The following FHIT variants were observed in gnomAD, a reference collection of about 807,000 sequenced individuals.
FHIT encodes bis(5'-adenosyl)-triphosphatase.
A neutral mutation model predicts 17.9 loss-of-function variants in FHIT; 19 were observed. The ratio of observed to expected loss-of-function variants is 1.06; its 90% CI spans 0.74 to 1.56. The LOEUF is 1.56. FHIT is among the 40% of genes most tolerant of loss of function. FHIT has a pLI of 0.00. For missense variants in FHIT, 248 were observed against 189.2 expected, an observed-to-expected ratio of 1.31 and a Z score of -1.82; for synonymous variants, 81 against 69.7, an observed-to-expected ratio of 1.16 and a Z score of -0.81.
At chr3:61,199,000 T>A (rs938946222) in intron 2 of FHIT, among the ~76,000 whole-genome samples, 1 of 152,062 alleles carries the variant, frequency 6.6e-6, no homozygotes, top group African/African-American at 2.4e-5. Context: ...GACTTCTAAG[T>A]CCTTGACACA....
At chr3:60,048,533 G>C (rs1276042446) in intron 5 of FHIT, among the ~76,000 whole-genome samples, 6 of 152,094 alleles carry the variant, frequency 3.9e-5, no homozygotes, top group Admixed American at 3.3e-4. Context: ...GAGGTACTGT[G>C]GGTTAGGGCT....
At chr3:60,410,472 A>C (rs925757216) in intron 5 of FHIT, among the ~76,000 whole-genome samples, 1 of 152,210 alleles carries the variant, frequency 6.6e-6, no homozygotes, top group African/African-American at 2.4e-5. Context: ...ATCGTGGATA[A>C]AAGAATTGTA....
intron 2 of FHIT, among the ~76,000 whole-genome samples, chr3:61,082,662 A>T (rs1280889344): frequency 6.6e-6 from 1 of 152,234 alleles, no homozygotes; most frequent in East Asian, 1.9e-4. Context: ...ACACCACTGT[A>T]TGATAGTTCC....
At chr3:60,027,894 T>C (rs1012734754) in intron 5 of FHIT, among the ~76,000 whole-genome samples, 1 of 152,186 alleles carries the variant, frequency 6.6e-6, no homozygotes, top group Non-Finnish European at 1.5e-5. Flanking sequence ...CCACTAGCCA[T>C]ATGTGGCTAC....
chr3:60,287,238 G>A (rs1030489476), intron 5 of FHIT, among the ~76,000 whole-genome samples: 32 of 152,102 alleles, frequency 2.1e-4, no homozygotes, highest in African/African-American at 7.7e-4. Flanking sequence ...GCAAGATCTT[G>A]CCTCACTGCA....
chr3:60,436,025 A>G (rs1425045188), intron 5 of FHIT, among the ~76,000 whole-genome samples: 2 of 151,960 alleles, frequency 1.3e-5, no homozygotes, highest in East Asian at 1.9e-4. Flanking sequence ...TTCCATGTGT[A>G]TATGTACCAC....
chr3:60,653,771 A>G (rs7649096), intron 4 of FHIT, among the ~76,000 whole-genome samples: 36,647 of 152,090 alleles, frequency 0.24, 5,349 homozygotes, highest in East Asian at 0.75. Context: ...TTTTCAACAG[A>G]GAAGTCTACA....
chr3:60,126,241 C>G (rs566747348), intron 5 of FHIT, among the ~76,000 whole-genome samples: 4 of 152,190 alleles, frequency 2.6e-5, no homozygotes, highest in Non-Finnish European at 5.9e-5. Context: ...GGGCTTGAGT[C>G]TTTAAAACTC....
At chr3:60,089,625 G>C (rs1395984476) in intron 5 of FHIT, among the ~76,000 whole-genome samples, 1 of 152,134 alleles carries the variant, frequency 6.6e-6, no homozygotes, top group Non-Finnish European at 1.5e-5. Flanking sequence ...CTTACCCACT[G>C]TCTTACACCA....
chr3:60,124,009 TAGAGAGAGAGAGAGAGAGAGAG>T (rs1168094593), intron 5 of FHIT, among the ~76,000 whole-genome samples: 1 of 12,154 alleles, frequency 8.2e-5, no homozygotes, highest in East Asian at 2.2e-3. Flanking sequence ...TATATATATA[TAGAGAGAGAGAGAGAGAGAGAG>T]AGAGAGAGAG....
At chr3:60,535,905 A>T (rs2035964867) in intron 5 of FHIT, 1 of 152,066 alleles carries the variant, frequency 6.6e-6, no homozygotes, top group Non-Finnish European at 1.5e-5. Context: ...TGGAAAAAAA[A>T]TGTAGCTTAC....
intron 4 of FHIT, among the ~76,000 whole-genome samples, chr3:60,573,940 G>A (rs550383423): frequency 1.6e-4 from 25 of 152,150 alleles, no homozygotes; most frequent in African/African-American, 6.0e-4. Flanking sequence ...CTCCTGAGTA[G>A]CTGGAATTAC....
chr3:60,317,154 A>T (rs1482393410), intron 5 of FHIT, among the ~76,000 whole-genome samples: 1 of 151,888 alleles, frequency 6.6e-6, no homozygotes, highest in Non-Finnish European at 1.5e-5. Flanking sequence ...ACTCAACATT[A>T]TATTTTTAAA....
intron 4 of FHIT, among the ~76,000 whole-genome samples, chr3:60,659,433 T>A (rs2040190245): frequency 6.8e-6 from 1 of 147,052 alleles, no homozygotes; most frequent in African/African-American, 2.5e-5. Flanking sequence ...CTTCATGGTG[T>A]CCAGCAGCTC....
At chr3:60,909,670 T>C (rs1706626319) in intron 3 of FHIT, among the ~76,000 whole-genome samples, 1 of 152,204 alleles carries the variant, frequency 6.6e-6, no homozygotes, top group South Asian at 2.1e-4. Flanking sequence ...TTTCATTTTC[T>C]TTACAATTTC....
At chr3:60,484,016 C>A (rs2033729587) in intron 5 of FHIT, among the ~76,000 whole-genome samples, 1 of 152,062 alleles carries the variant, frequency 6.6e-6, no homozygotes, top group Non-Finnish European at 1.5e-5. Context: ...AAATCACAAG[C>A]ATTCCTTTAC....
chr3:60,508,322 A>G (rs1290364720), intron 5 of FHIT, among the ~76,000 whole-genome samples: 4 of 152,196 alleles, frequency 2.6e-5, no homozygotes, highest in Admixed American at 2.0e-4. Flanking sequence ...TACAATAAAG[A>G]AGGAATCTAA....
intron 4 of FHIT, among the ~76,000 whole-genome samples, chr3:60,791,307 A>G (rs1291923950): frequency 6.6e-6 from 1 of 152,220 alleles, no homozygotes; most frequent in Admixed American, 6.5e-5. Flanking sequence ...TATGCTCAAT[A>G]AAGTATCTTG....
intron 1 of FHIT, among the ~76,000 whole-genome samples, chr3:61,225,494 A>G (rs974115773): frequency 1.3e-5 from 2 of 152,262 alleles, no homozygotes; most frequent in Non-Finnish European, 2.9e-5. Context: ...CAATAGACTT[A>G]ACATGCTTCT....
Sources: allele counts gnomAD v4.1 joint callset (sites outside exome capture counted in the v4.1 genomes callset), GRCh38; gene constraint gnomAD v4.1.1; transcripts MANE v1.5; gene names NCBI Gene and HGNC (gene_info 2026-07-23, HGNC 2026-07-21).